The following ZNF619 variants were observed in gnomAD, a reference collection of about 807,000 sequenced individuals.
The protein encoded by ZNF619 is zinc finger protein 619.
In ZNF619, 9 loss-of-function variants were observed where a neutral mutation model predicts 14.2. The observed-to-expected ratio is 0.64, with a 90% CI of 0.38 to 1.11. ZNF619 has a LOEUF of 1.11. Among genes scored for constraint, ZNF619 ranks in the 50% least tolerant of loss-of-function variants. The probability of loss-of-function intolerance (pLI) is 0.01; values close to 1 mark genes in which losing one functional copy is unlikely to be tolerated. For missense variants in ZNF619, 659 were observed against 680.1 expected, an observed-to-expected ratio of 0.97 and a Z score of 0.34; for synonymous variants, 246 against 252.8, an observed-to-expected ratio of 0.97 and a Z score of 0.26.
At chr3:40,480,499 C>CT (rs36016449) in intron 2 of ZNF619, among the ~76,000 whole-genome samples, 4,081 of 132,972 alleles carry the variant, frequency 0.031, 280 homozygotes, top group African/African-American at 0.11. Context: ...CTGCATAGTA[C>CT]TTTTTTTTTT....
chr3:40,488,146 C>T lies in ZNF619; in HGVS notation c.1636C>T (p.Pro546Ser), dbSNP rs200267495. Residue 546 changes from proline (P) to serine (S), a missense_variant, in exon 5 of 5, where the codon CCT becomes TCT. Coordinates refer to ENST00000432264, the MANE Select transcript of ZNF619 (RefSeq NM_001145093.4). Reference protein sequence around the residue: ...LLLPSSEKANPSPVQIAHFFQ... With the variant: ...LLLPSSEKANSSPVQIAHFFQ... ...GCTTCCCTCATCTGAAAAGGCCAACCCTTCACCTGTCCAAATAGCACATTT... is the reference window on the plus strand; with the variant it reads ...GCTTCCCTCATCTGAAAAGGCCAACTCTTCACCTGTCCAAATAGCACATTT... The T allele has an allele frequency of 6.2e-7, 1 of 1,613,878 alleles. No individual in the cohort carries two copies. Among genetic ancestry groups the T allele is most frequent in the East Asian group, 2.2e-5 (1 of 44,892 alleles).
In ZNF619 at chr3:40,487,856, T is replaced by C. The variant is rs772378430; in HGVS notation, c.1346T>C (p.Val449Ala). ...QKITLVQHQR[V>A]HTGEKPYECK... ...ATCACTCTGGTTCAGCATCAGCGAG[T>C]TCACACTGGGGAGAAACCTTATGAG... The change falls in exon 5 of 5, where the codon GTT becomes GCT. Residue 449 changes from valine (V) to alanine (A), a missense_variant. Physicochemically the swap from Val to Ala is moderately conservative, Grantham distance 64. Coordinates refer to ENST00000432264, the MANE Select transcript of ZNF619 (RefSeq NM_001145093.4). 1 of 1,614,140 alleles carries C rather than the reference T, an allele frequency of 6.2e-7. No homozygotes were observed. The highest frequency in any genetic ancestry group is 1.7e-5 in the Admixed American group (1 of 60,014).
At position 40,481,935 on chromosome 3, in the gene ZNF619, G is replaced by GA; in HGVS notation, c.99dup (p.Trp34MetfsTer68). On this transcript the variant is annotated frameshift_variant, in exon 3 of 5. Coordinates refer to ENST00000432264, the MANE Select transcript of ZNF619 (RefSeq NM_001145093.4). LOFTEE classifies it high-confidence loss of function. The stretch of plus-strand genomic sequence containing the variant: ...TGTGGCTGTGTACTTCACCCAGAAT[G>GA]AATGGGCCAGCCTGCACCCTACGCA... 6.2e-7 allele frequency: 1 copy of GA among 1,613,926 alleles called. No homozygotes were observed.
intron 3 of ZNF619, chr3:40,482,285 T>G: frequency 6.4e-7 from 1 of 1,551,976 alleles, no homozygotes; most frequent in Non-Finnish European, 8.7e-7. Context: ...AGGTTCCTGG[T>G]GCACTGTCTT....
chr3:40,484,753 G>A (rs1308235714), intron 4 of ZNF619, among the ~76,000 whole-genome samples: 1 of 152,194 alleles, frequency 6.6e-6, no homozygotes, highest in Non-Finnish European at 1.5e-5. Flanking sequence ...ATAGCCACAT[G>A]TGGCTAGTGG....
chr3:40,483,690 G>A (rs1184605326), intron 4 of ZNF619: 9 of 447,792 alleles, frequency 2.0e-5, no homozygotes, highest in East Asian at 1.5e-4. Flanking sequence ...GTGCAATGGC[G>A]TGATCTTCAC....
chr3:40,484,764 C>A (rs1167447334), intron 4 of ZNF619, among the ~76,000 whole-genome samples: 1 of 152,042 alleles, frequency 6.6e-6, no homozygotes, highest in Non-Finnish European at 1.5e-5. Context: ...TGGCTAGTGG[C>A]CACCTTTTGG....
Position 40,488,145 on chromosome 3 carries a change from C to T in ZNF619, c.1635C>T (p.Asn545=). Reference sequence around the variant, plus strand: ...TGCTTCCCTCATCTGAAAAGGCCAACCCTTCACCTGTCCAAATAGCACATT... The same window carrying T: ...TGCTTCCCTCATCTGAAAAGGCCAATCCTTCACCTGTCCAAATAGCACATT... ...FLLLPSSEKA[N]PSPVQIAHFF... Residue 545 remains asparagine (N), a synonymous_variant, in exon 5 of 5, where the codon AAC becomes AAT. Transcript: ENST00000432264. 2.5e-6 allele frequency: 4 copies of T among 1,614,018 alleles called. No individual in the cohort carries two copies. Among genetic ancestry groups the T allele is most frequent in the Non-Finnish European group, 3.4e-6 (4 of 1,179,910 alleles).
At position 40,488,259 on chromosome 3, in the gene ZNF619, A is replaced by G; in HGVS notation, c.*18A>G. 1 of 1,291,594 alleles carries G rather than the reference A, an allele frequency of 7.7e-7. No individual in the cohort carries two copies. Among genetic ancestry groups the G allele is most frequent in the Non-Finnish European group, 1.1e-6 (1 of 912,486 alleles). The allele number at this position is 1,291,594 out of a possible 1,614,324, so 80.0% of individuals were successfully genotyped here. A position where few individuals can be genotyped will look rare whatever the true frequency, so the allele number is the denominator to read the frequency against. ...CCCTGTAAGCCCCGTCACGTTCTCAAAATCCTTTGCACCTCAAGTTAGGGA... is the reference window on the plus strand; with the variant it reads ...CCCTGTAAGCCCCGTCACGTTCTCAGAATCCTTTGCACCTCAAGTTAGGGA... On this transcript the variant is annotated 3_prime_UTR_variant, in exon 5 of 5. Coordinates refer to ENST00000432264, the MANE Select transcript of ZNF619 (RefSeq NM_001145093.4).
At position 40,490,033 on chromosome 3, in the gene ZNF619, G is replaced by C. The variant is rs1335960039; in HGVS notation, c.*1792G>C. 1 of 152,188 alleles carries C rather than the reference G, an allele frequency of 6.6e-6. No individual in the cohort carries two copies. The highest frequency in any genetic ancestry group is 1.5e-5 in the Non-Finnish European group (1 of 68,062). 9.4% of individuals were successfully genotyped at this position (152,188 alleles called of 1,614,324 possible). On this transcript the variant is annotated 3_prime_UTR_variant, in exon 5 of 5. Transcript: ENST00000432264. Reference sequence around the variant, plus strand: ...AGGATTAGCCAAGTTCATCAGGGTGGAGCCTCCATGATGGGACTGGTGGCT... The same window carrying C: ...AGGATTAGCCAAGTTCATCAGGGTGCAGCCTCCATGATGGGACTGGTGGCT...
At chr3:40,479,297 C>T (rs1046129627) in intron 2 of ZNF619, among the ~76,000 whole-genome samples, 4 of 152,122 alleles carry the variant, frequency 2.6e-5, no homozygotes, top group Non-Finnish European at 4.4e-5. Flanking sequence ...CTTGGTTGCC[C>T]GGGTTGAGTG....
In ZNF619 at chr3:40,488,667, GGGT is replaced by G. The variant is rs998819242; in HGVS notation, c.*429_*431del. On this transcript the variant is annotated 3_prime_UTR_variant, in exon 5 of 5. Transcript: ENST00000432264. Reference sequence around the variant, plus strand: ...TTTCAAGAGCTTTTTTTTTTTTAGGGGGTGGGGGGTGGTGCCGGAGTTTCACTC... The same window carrying G: ...TTTCAAGAGCTTTTTTTTTTTTAGGGGGGGGGTGGTGCCGGAGTTTCACTC... The G allele has an allele frequency of 6.3e-6, 1 of 158,408 alleles. No individual in the cohort carries two copies. The highest frequency in any genetic ancestry group is 2.4e-5 in the African/African-American group (1 of 41,394). The allele number at this position is 158,408 out of a possible 1,614,324, so 9.8% of individuals were successfully genotyped here.
rs1697744744 is a variant in ZNF619 at position 40,489,542 on chromosome 3, T to G, written c.*1301T>G. ...GGGATTACAGGCTTGAGCCACCATG[T>G]CCAGCCTCTATTCCTTTTCATATCT... is the stretch of plus-strand genomic sequence containing the variant. On this transcript the variant is annotated 3_prime_UTR_variant, in exon 5 of 5. Transcript: ENST00000432264. 1 of 151,968 alleles carries G rather than the reference T, an allele frequency of 6.6e-6. No individual in the cohort carries two copies. The highest frequency in any genetic ancestry group is 1.5e-5 in the Non-Finnish European group (1 of 68,036). The allele number at this position is 151,968 out of a possible 1,614,324, so 9.4% of individuals were successfully genotyped here. A position where few individuals can be genotyped will look rare whatever the true frequency, so the allele number is the denominator to read the frequency against.
chr3:40,487,964 A>G lies in ZNF619; in HGVS notation c.1454A>G (p.Asn485Ser), dbSNP rs762485290. The change falls in exon 5 of 5, where the codon AAT becomes AGT. Residue 485 changes from asparagine to serine, a missense_variant. Physicochemically the swap from Asn to Ser is conservative, Grantham distance 46. Transcript: ENST00000432264. ...QKWHTRKKLI[N>S]GTGLSAVKPY... Reference sequence around the variant, plus strand: ...TGGCATACTAGGAAGAAACTCATCAATGGAACAGGGCTATCCGCAGTTAAG... The same window carrying G: ...TGGCATACTAGGAAGAAACTCATCAGTGGAACAGGGCTATCCGCAGTTAAG... The G allele has an allele frequency of 2.5e-6, 4 of 1,614,188 alleles. No homozygotes were observed. The highest frequency in any genetic ancestry group is 2.2e-5 in the East Asian group (1 of 44,876).
rs927533638 is a variant in ZNF619, at chr3:40,484,216, G to A, written c.295+1512G>A. Among the ~76,000 whole-genome samples the A allele has an allele frequency of 2.6e-5, 4 of 152,286 alleles. No homozygotes were observed. In the East Asian group the frequency reaches 7.7e-4, roughly 29 times the overall value. ...GCTGGGATTACAGGCATGAGCCACC[G>A]CGCCCAGCTAGAACTTGTTTTTATA... On this transcript the variant is annotated intron_variant, in intron 4 of 4. Coordinates refer to ENST00000432264, the MANE Select transcript of ZNF619 (RefSeq NM_001145093.4).
At chr3:40,478,547 T>C (rs982945987) in intron 2 of ZNF619, among the ~76,000 whole-genome samples, 1 of 152,142 alleles carries the variant, frequency 6.6e-6, no homozygotes, top group Admixed American at 6.6e-5. Flanking sequence ...GATGTATTTT[T>C]GGAGGAATGA....
Position 40,482,596 on chromosome 3 carries a change from C to G in ZNF619, c.187C>G (p.Pro63Ala). Reference sequence around the variant, plus strand: ...TTTTCTTTCTCCTGTAGCAGCATTTCCATTCCCCAAACCAGATCTGATATT... The same window carrying G: ...TTTTCTTTCTCCTGTAGCAGCATTTGCATTCCCCAAACCAGATCTGATATT... ...YANVTSLSAFPFPKPDLIFQL... is the reference protein window; with the variant it reads ...YANVTSLSAFAFPKPDLIFQL... Residue 63 changes from proline to alanine, a missense_variant, in exon 4 of 5, where the codon CCA becomes GCA. Pro to Ala is a conservative substitution (Grantham distance 27). Transcript: ENST00000432264. 6.2e-7 allele frequency: 1 copy of G among 1,614,116 alleles called. No individual in the cohort carries two copies. Among genetic ancestry groups the G allele is most frequent in the Non-Finnish European group, 8.5e-7 (1 of 1,180,018 alleles).
chr3:40,484,617 C>A (rs1435060810), intron 4 of ZNF619, among the ~76,000 whole-genome samples: 1 of 152,188 alleles, frequency 6.6e-6, no homozygotes, highest in Non-Finnish European at 1.5e-5. Flanking sequence ...TAGTGTTTCC[C>A]CTTGCCACAG....
chr3:40,478,061 A>C, intron 2 of ZNF619, 58 bp downstream of exon 2: 1 of 1,490,752 alleles, frequency 6.7e-7, no homozygotes, highest in South Asian at 1.2e-5. Context: ...AGGTCAGTAC[A>C]GCCCCAGTAG....
Sources: allele counts gnomAD v4.1 joint callset (sites outside exome capture counted in the v4.1 genomes callset), GRCh38; gene constraint gnomAD v4.1.1; transcripts MANE v1.5; gene names NCBI Gene and HGNC (gene_info 2026-07-23, HGNC 2026-07-21).